DLGAP2: variants seen among roughly 807,000 people sequenced by gnomAD.
DLGAP2 encodes DLG associated protein 2.
DLGAP2 carries 26 observed loss-of-function variants against 100.3 expected under a neutral mutation model. That is an observed-to-expected ratio of 0.26 (90% CI 0.19 to 0.36). DLGAP2 has a LOEUF of 0.36. Ranked by LOEUF, DLGAP2 falls within the 10% of genes least tolerant of loss-of-function variation. The pLI is 1.00. For synonymous variants in DLGAP2, 886 were observed against 630.1 expected, an observed-to-expected ratio of 1.41 and a Z score of -6.08; for missense variants, 1,858 against 1,453.2, an observed-to-expected ratio of 1.28 and a Z score of -4.53.
intron 2 of DLGAP2, among the ~76,000 whole-genome samples, chr8:1,143,616 C>T (rs1796558198): frequency 6.6e-6 from 1 of 152,324 alleles, no homozygotes; most frequent in African/African-American, 2.4e-5. Context: ...TGCAGTTCTG[C>T]AGGCGGCATC....
chr8:1,061,867 G>C (rs1803093960), intron 2 of DLGAP2, among the ~76,000 whole-genome samples: 3 of 151,992 alleles, frequency 2.0e-5, no homozygotes, highest in Admixed American at 2.0e-4. Flanking sequence ...GCTCTGTGTG[G>C]ACGGGGCCCC....
intron 1 of DLGAP2, among the ~76,000 whole-genome samples, chr8:761,803 C>A (rs994754933): frequency 2.6e-5 from 4 of 152,176 alleles, no homozygotes; most frequent in African/African-American, 4.8e-5. Flanking sequence ...CCCCTCTGTC[C>A]CGGGCTAGCT....
intron 2 of DLGAP2, among the ~76,000 whole-genome samples, chr8:957,797 A>G (rs1380467448): frequency 6.6e-6 from 1 of 152,212 alleles, no homozygotes; most frequent in Non-Finnish European, 1.5e-5. Flanking sequence ...GCTGGTAATA[A>G]TATGTGTCTA....
chr8:1,316,126 AGC>A, intron 3 of DLGAP2, among the ~76,000 whole-genome samples: 1 of 128,450 alleles, frequency 7.8e-6, no homozygotes, highest in Non-Finnish European at 1.7e-5. Context: ...TTAAAAATAG[AGC>A]GTGTGCGAGT....
At chr8:764,755 TA>T (rs991997597) in intron 1 of DLGAP2, among the ~76,000 whole-genome samples, 2 of 152,228 alleles carry the variant, frequency 1.3e-5, no homozygotes, top group African/African-American at 4.8e-5. Flanking sequence ...AGCTGTTGTG[TA>T]AGGGGCTCAT....
At chr8:1,185,126 C>T (rs776652903) in intron 2 of DLGAP2, among the ~76,000 whole-genome samples, 25 of 152,088 alleles carry the variant, frequency 1.6e-4, no homozygotes, top group Non-Finnish European at 2.9e-4. Context: ...AGCACCCTGG[C>T]ACTGGTGGCG....
At position 1,706,623 on chromosome 8, in the gene DLGAP2, G is replaced by C. The variant is rs1799712294; in HGVS notation, c.*5217G>C. The C allele has an allele frequency of 1.3e-5, 2 of 152,172 alleles. No homozygotes were observed. The highest frequency in any genetic ancestry group is 4.8e-5 in the African/African-American group (2 of 41,440). 9.4% of individuals were successfully genotyped at this position (152,172 alleles called of 1,614,324 possible). A position where few individuals can be genotyped will look rare whatever the true frequency, so the allele number is the denominator to read the frequency against. ...TGTTTCTAGATGCTTCCAAGAACAA[G>C]AACCCAGCACCAACCAGAATTAGGC... On this transcript the variant is annotated 3_prime_UTR_variant, in exon 15 of 15. Transcript: ENST00000637795.
At chr8:1,226,596 G>C (rs1021807046) in intron 2 of DLGAP2, among the ~76,000 whole-genome samples, 1 of 152,242 alleles carries the variant, frequency 6.6e-6, no homozygotes, top group African/African-American at 2.4e-5. Flanking sequence ...CCTGAATGTC[G>C]TGTACATGTA....
intron 2 of DLGAP2, among the ~76,000 whole-genome samples, chr8:1,219,410 G>A (rs1798273967): frequency 1.3e-5 from 2 of 152,120 alleles, no homozygotes; most frequent in South Asian, 4.1e-4. Flanking sequence ...ATTATGTGAT[G>A]AATCACATTT....
intron 6 of DLGAP2, among the ~76,000 whole-genome samples, chr8:1,590,642 C>G (rs1020959904): frequency 1.3e-5 from 2 of 152,212 alleles, no homozygotes; most frequent in Admixed American, 6.5e-5. Flanking sequence ...ACTCCACACT[C>G]TCAAATTCCA....
At chr8:1,568,713 C>T (rs1160010632) in intron 6 of DLGAP2, among the ~76,000 whole-genome samples, 6 of 140,628 alleles carry the variant, frequency 4.3e-5, no homozygotes, top group Admixed American at 1.4e-4. Context: ...ATGCCACTGC[C>T]CACTCAGCAG....
chr8:1,669,325 G>A (rs777234751), intron 9 of DLGAP2, among the ~76,000 whole-genome samples: 3 of 152,200 alleles, frequency 2.0e-5, no homozygotes, highest in Non-Finnish European at 4.4e-5. Context: ...CCCCGTGAAT[G>A]GAGAGCTCTG....
intron 3 of DLGAP2, among the ~76,000 whole-genome samples, chr8:1,377,189 G>A (rs1795968020): frequency 6.6e-6 from 1 of 152,228 alleles, no homozygotes; most frequent in Non-Finnish European, 1.5e-5. Flanking sequence ...GGTCAGTGGT[G>A]TGCAGCTGTA....
At chr8:1,140,009 C>T (rs1469440884) in intron 2 of DLGAP2, among the ~76,000 whole-genome samples, 1 of 152,180 alleles carries the variant, frequency 6.6e-6, no homozygotes, top group Non-Finnish European at 1.5e-5. Flanking sequence ...TGTGCAGGAA[C>T]ATGGCACATT....
intron 2 of DLGAP2, among the ~76,000 whole-genome samples, chr8:1,183,287 G>T (rs577505152): frequency 2.6e-5 from 4 of 152,156 alleles, no homozygotes; most frequent in Non-Finnish European, 4.4e-5. Flanking sequence ...AATAATATCA[G>T]TTCACACAAT....
rs139067902 is a variant in DLGAP2, at chr8:1,418,234, T to C, written c.107-83132T>C. Among the ~76,000 whole-genome samples the C allele has an allele frequency of 2.8e-3, 419 of 152,336 alleles. 1 individual carries two copies. The highest frequency in any genetic ancestry group is 9.7e-3 in the African/African-American group (402 of 41,568). On this transcript the variant is annotated intron_variant, in intron 3 of 14. Transcript: ENST00000637795. ...TGTAACTGTCTCTACTACTGAACAT[T>C]TAAGAAATGGATATTGTATGTGTAA...
intron 2 of DLGAP2, among the ~76,000 whole-genome samples, chr8:965,760 A>G (rs1454655976): frequency 1.2e-3 from 143 of 120,676 alleles, no homozygotes; most frequent in Non-Finnish European, 1.8e-3. Context: ...CCTGAGTCTG[A>G]CCCCTGCGCT....
In DLGAP2 at chr8:1,219,203, C is replaced by T. The variant is rs565696884; in HGVS notation, c.74-39648C>T. ...AGGGCATTCTTGTTTTGTTCTGGTT[C>T]TCAAGGGAAATGCCTCCAGCTTTTA... On this transcript the variant is annotated intron_variant, in intron 2 of 14. Transcript: ENST00000637795. Among the ~76,000 whole-genome samples, 9 of 152,202 alleles carry T rather than the reference C, an allele frequency of 5.9e-5. No individual in the cohort carries two copies. The East Asian group carries it at 1.7e-3, about 29-fold the overall frequency.
intron 3 of DLGAP2, among the ~76,000 whole-genome samples, chr8:1,430,645 T>G (rs1048458994): frequency 5.9e-5 from 9 of 152,216 alleles, no homozygotes; most frequent in Non-Finnish European, 8.8e-5. Flanking sequence ...TCTATGAGAT[T>G]GAGAGGAGTT....
Sources: allele counts gnomAD v4.1 joint callset (sites outside exome capture counted in the v4.1 genomes callset), GRCh38; gene constraint gnomAD v4.1.1; transcripts MANE v1.5; gene names NCBI Gene and HGNC (gene_info 2026-07-23, HGNC 2026-07-21).